Variants in HDAC2 observed in about 807,000 individuals in gnomAD.
The protein encoded by HDAC2 is histone deacetylase 2, also known as YY1-associated factor 1.
A neutral mutation model predicts 68.5 loss-of-function variants in HDAC2; 5 were observed. The observed-to-expected ratio is 0.07, with a 90% confidence interval of 0.04 to 0.15. HDAC2 has a LOEUF of 0.15. HDAC2 is among the 10% of genes least tolerant of loss of function. The probability of loss-of-function intolerance (pLI) is 1.00; values close to 1 mark genes in which losing one functional copy is unlikely to be tolerated. For missense variants in HDAC2, 291 were observed against 600.8 expected, an observed-to-expected ratio of 0.48 and a Z score of 5.39; for synonymous variants, 182 against 191.3, an observed-to-expected ratio of 0.95 and a Z score of 0.40.
At chr6:113,947,000 T>C (rs1243010679) in intron 8 of HDAC2, 1 of 152,186 alleles carries the variant, frequency 6.6e-6, no homozygotes, top group Non-Finnish European at 1.5e-5. Flanking sequence ...ACAAAGTTTA[T>C]CTGTTCTCTT....
Position 113,939,836 on chromosome 6 carries a change from G to A in HDAC2, c.*1222C>T, listed in dbSNP as rs1291129936. ...AGCTGTTCATTACAAAAGTCTAGGT[G>A]CTATTGTGAATGTCTGAAACATTTA... On this transcript the variant is annotated 3_prime_UTR_variant, in exon 14 of 14. Coordinates refer to ENST00000519065, the MANE Select transcript of HDAC2 (RefSeq NM_001527.4). 1 of 152,136 alleles carries A rather than the reference G, an allele frequency of 6.6e-6. No individual in the cohort carries two copies. The highest frequency in any genetic ancestry group is 2.4e-5 in the African/African-American group (1 of 41,428). 9.4% of individuals were successfully genotyped at this position (152,136 alleles called of 1,614,324 possible).
intron 12 of HDAC2, among the ~76,000 whole-genome samples, chr6:113,942,338 T>C (rs1404982264): frequency 6.6e-6 from 1 of 151,382 alleles, no homozygotes; most frequent in Non-Finnish European, 1.5e-5. Context: ...GTTAAAATTA[T>C]AAATTTCTGT....
intron 1 of HDAC2, among the ~76,000 whole-genome samples, chr6:113,967,355 C>T (rs1290882396): frequency 2.6e-5 from 4 of 152,154 alleles, no homozygotes; most frequent in Non-Finnish European, 5.9e-5. Flanking sequence ...TCTCAAACTC[C>T]CGACCTCAGG....
At chr6:113,957,404 A>G (rs894280642) in intron 3 of HDAC2, 2 of 152,132 alleles carry the variant, frequency 1.3e-5, no homozygotes, top group African/African-American at 4.8e-5. Context: ...TGTTTTGTAT[A>G]TTAATATCTT....
intron 8 of HDAC2, chr6:113,947,892 G>C (rs986215123): frequency 1.3e-5 from 2 of 152,062 alleles, no homozygotes; most frequent in Admixed American, 1.3e-4. Flanking sequence ...TTGTTCTGGA[G>C]AAAGTTCTAT....
intron 2 of HDAC2, 58 bp downstream of exon 2, chr6:113,959,848 G>A: frequency 2.6e-6 from 2 of 754,908 alleles, no homozygotes; most frequent in Non-Finnish European, 4.6e-6. Context: ...AAGTTTCACA[G>A]TAGCTAAAAA....
chr6:113,943,310 A>C (rs747214999), intron 12 of HDAC2, 41 bp downstream of exon 12: 1 of 1,537,746 alleles, frequency 6.5e-7, no homozygotes, highest in Admixed American at 1.9e-5. Flanking sequence ...CAATTTTTAA[A>C]ATTTACAATT....
chr6:113,952,056 T>C (rs1422956522), intron 6 of HDAC2, among the ~76,000 whole-genome samples: 1 of 152,200 alleles, frequency 6.6e-6, no homozygotes. Context: ...TGTTGACAAA[T>C]GTATTCTATC....
chr6:113,941,744 G>T lies in HDAC2; in HGVS notation c.1400C>A (p.Ser467Tyr). 7.0e-7 allele frequency: 1 copy of T among 1,436,970 alleles called. No individual in the cohort carries two copies. The highest frequency in any genetic ancestry group is 9.5e-7 in the Non-Finnish European group (1 of 1,051,286). 89.0% of individuals were successfully genotyped at this position (1,436,970 alleles called of 1,614,324 possible). A position where few individuals can be genotyped will look rare whatever the true frequency, so the allele number is the denominator to read the frequency against. ...KKTDVKEEDK[S>Y]KDNSGEKTDT... is the part of the protein sequence containing the mutation. ...TGTTTTTTCACCACTGTTGTCCTTGGATTTATCTTCTTCCTTAACGTCTAA... is the reference window on the plus strand; with the variant it reads ...TGTTTTTTCACCACTGTTGTCCTTGTATTTATCTTCTTCCTTAACGTCTAA... The change falls in exon 13 of 14, where the codon TCC becomes TAC. Residue 467 changes from serine (S) to tyrosine (Y), a missense_variant. Ser to Tyr is a moderately radical substitution (Grantham distance 144). This residue lies in a region of HDAC2 where 137 missense variants were observed against 128.7 expected (regional missense o/e 1.06). Coordinates refer to ENST00000519065, the MANE Select transcript of HDAC2 (RefSeq NM_001527.4).
chr6:113,955,854 G>T, intron 5 of HDAC2, 159 bp downstream of exon 5: 1 of 574,986 alleles, frequency 1.7e-6, no homozygotes, highest in Non-Finnish European at 2.9e-6. Context: ...CAAATTTCCT[G>T]CATTTCTTCA....
At position 113,937,676 on chromosome 6, in the gene HDAC2, C is replaced by G. The variant is rs1467356797; in HGVS notation, c.*3382G>C. ...CAGCCTGGGCAACACAGGGAGACAC[C>G]ATCTCTCCAAAATAAAAATGTAAAA... is the stretch of plus-strand genomic sequence containing the variant. On this transcript the variant is annotated 3_prime_UTR_variant, in exon 14 of 14. Transcript: ENST00000519065. The G allele has an allele frequency of 6.6e-6, 1 of 151,596 alleles. No homozygotes were observed. Among genetic ancestry groups the G allele is most frequent in the Non-Finnish European group, 1.5e-5 (1 of 67,922 alleles). The allele number at this position is 151,596 out of a possible 1,614,324, so 9.4% of individuals were successfully genotyped here.
At position 113,959,048 on chromosome 6, in the gene HDAC2, CAT is replaced by C. The variant is rs1277127191; in HGVS notation, c.166-284_166-283del. On this transcript the variant is annotated intron_variant, in intron 2 of 13. Transcript: ENST00000519065. ...AACAGTTCGAGTAAAAAGTCAAATC[CAT>C]ATGTTCATAAACTCTACTTTCTCTC... 3.3e-5 allele frequency among the ~76,000 whole-genome samples: 5 copies of C among 152,038 alleles called. No individual in the cohort carries two copies. The East Asian group carries it at 7.7e-4, about 23-fold the overall frequency.
At chr6:113,944,518 T>C (rs1316956589) in intron 10 of HDAC2, 108 bp from the exon 11 acceptor site, 3 of 896,034 alleles carry the variant, frequency 3.3e-6, no homozygotes, top group Non-Finnish European at 5.2e-6. Flanking sequence ...TAGCTAAACC[T>C]ATATATTAAA....
At chr6:113,963,646 T>C (rs1776743740) in intron 1 of HDAC2, among the ~76,000 whole-genome samples, 2 of 152,232 alleles carry the variant, frequency 1.3e-5, no homozygotes, top group African/African-American at 4.8e-5. Context: ...GGATGCTAAC[T>C]GGTAAATAAT....
At chr6:113,954,368 T>C (rs1776496161) in intron 5 of HDAC2, among the ~76,000 whole-genome samples, 1 of 152,140 alleles carries the variant, frequency 6.6e-6, no homozygotes, top group Non-Finnish European at 1.5e-5. Context: ...CATACCATAG[T>C]ACAGCAAAAT....
rs1371225538 is a variant in HDAC2 at position 113,959,981 on chromosome 6, G to T, written c.90C>A (p.Pro30=). 3.2e-6 allele frequency: 5 copies of T among 1,585,746 alleles called. No homozygotes were observed. In the African/African-American group the frequency reaches 6.7e-5, roughly 21 times the overall value. ...IGNYYYGQGH[P]MKPHRIRMTH... is the part of the protein sequence containing the mutation. ...TCATGCGGATTCTATGAGGCTTCAT[G>T]GGATGACCCTGTCCATAATAATAAT... The change falls in exon 2 of 14, where the codon CCC becomes CCA. Residue 30 remains proline (P), a synonymous_variant. Coordinates refer to ENST00000519065, the MANE Select transcript of HDAC2 (RefSeq NM_001527.4).
In HDAC2 at chr6:113,940,962, T is replaced by C; in HGVS notation, c.*96A>G. The C allele has an allele frequency of 4.5e-6, 4 of 894,736 alleles. No homozygotes were observed. Among genetic ancestry groups the C allele is most frequent in the Non-Finnish European group, 7.0e-6 (4 of 567,538 alleles). The allele number at this position is 894,736 out of a possible 1,614,324, so 55.4% of individuals were successfully genotyped here. A position where few individuals can be genotyped will look rare whatever the true frequency, so the allele number is the denominator to read the frequency against. ...AAAATAAATACAGTCCATGCCAAAG[T>C]AGTATAAAATGAAGCCAGAAGTCTT... On this transcript the variant is annotated 3_prime_UTR_variant, in exon 14 of 14. Transcript: ENST00000519065.
At position 113,946,111 on chromosome 6, in the gene HDAC2, G is replaced by C. The variant is rs1287575911; in HGVS notation, c.879C>G (p.Asn293Lys). Residue 293 changes from asparagine (N) to lysine (K), a missense_variant, in exon 9 of 14, where the codon AAC (asparagine) becomes AAG (lysine). Asn to Lys is a moderately conservative substitution (Grantham distance 94). Coordinates refer to ENST00000519065, the MANE Select transcript of HDAC2 (RefSeq NM_001527.4). Reference sequence around the variant, plus strand: ...CTCCTCCAAGCATCAGTAATGGTAAGTTAAAAGTTTTTACAACTTCTACAC... The same window carrying C: ...CTCCTCCAAGCATCAGTAATGGTAACTTAAAAGTTTTTACAACTTCTACAC... ...AKCVEVVKTFNLPLLMLGGGG... is the reference protein window; with the variant it reads ...AKCVEVVKTFKLPLLMLGGGG... 4.3e-6 allele frequency: 7 copies of C among 1,613,498 alleles called. No homozygotes were observed. The highest frequency in any genetic ancestry group is 5.9e-6 in the Non-Finnish European group (7 of 1,179,432).
intron 11 of HDAC2, among the ~76,000 whole-genome samples, chr6:113,944,050 A>G (rs1208279093): frequency 6.6e-6 from 1 of 152,234 alleles, no homozygotes; most frequent in African/African-American, 2.4e-5. Flanking sequence ...AAAGTTGCTA[A>G]TTTTTGAAAA....
Sources: gnomAD v4.1 joint callset for allele counts (sites outside exome capture counted in the v4.1 genomes callset) on GRCh38, gnomAD v4.1.1 for gene constraint, gnomAD v4.1.1 regional missense constraint, MANE v1.5 for transcripts, NCBI Gene and HGNC (gene_info 2026-07-23, HGNC 2026-07-21) for gene names.